Variants in FRMD1 observed in about 807,000 individuals in gnomAD.
FRMD1 encodes FERM domain-containing protein 1.
FRMD1 carries 51 observed loss-of-function variants against 54.9 expected under a neutral mutation model. The observed-to-expected ratio is 0.93, with a 90% CI of 0.74 to 1.17. FRMD1 has a LOEUF of 1.17. Among genes scored for constraint, FRMD1 ranks in the 50% most tolerant of loss-of-function variants. The probability of loss-of-function intolerance (pLI) is 0.00; values close to 1 mark genes in which losing one functional copy is unlikely to be tolerated. For synonymous variants in FRMD1, 324 were observed against 306.4 expected, an observed-to-expected ratio of 1.06 and a Z score of -0.60; for missense variants, 729 against 743.0, an observed-to-expected ratio of 0.98 and a Z score of 0.22.
At chr6:168,088,879 C>T (rs993933577) in intron 1 of FRMD1, among the ~76,000 whole-genome samples, 4 of 151,706 alleles carry the variant, frequency 2.6e-5, no homozygotes, top group Admixed American at 1.3e-4. Flanking sequence ...TCAACCTCCC[C>T]ACTCCTTGTG....
chr6:168,092,019 C>G (rs952103180), intron 1 of FRMD1, among the ~76,000 whole-genome samples: 13 of 152,230 alleles, frequency 8.5e-5, no homozygotes, highest in Admixed American at 3.3e-4. Flanking sequence ...AGGCTCTGTC[C>G]GGCCTCCACA....
rs1366869399 is a variant in FRMD1 at position 168,061,957 on chromosome 6, C to T, written c.895G>A (p.Asp299Asn). 6.3e-7 allele frequency: 1 copy of T among 1,597,586 alleles called. No individual in the cohort carries two copies. The highest frequency in any genetic ancestry group is 1.3e-5 in the African/African-American group (1 of 74,452). The change falls in exon 8 of 11, where the codon GAT (aspartate) becomes AAT (asparagine). Residue 299 changes from aspartate (D) to asparagine (N), a missense_variant. Coordinates refer to ENST00000283309, the MANE Select transcript of FRMD1 (RefSeq NM_024919.6). ...YQGKKLEIQL[D>N]GLPAAQKLVY... ...AGCTTCTGTGCTGCGGGCAGCCCATCCAGCTGGATCTCCAGCTTCTTTCCC... is the reference window on the plus strand; with the variant it reads ...AGCTTCTGTGCTGCGGGCAGCCCATTCAGCTGGATCTCCAGCTTCTTTCCC...
At chr6:168,087,012 C>T (rs1403712213) in intron 1 of FRMD1, among the ~76,000 whole-genome samples, 4 of 151,968 alleles carry the variant, frequency 2.6e-5, no homozygotes, top group Non-Finnish European at 5.9e-5. Flanking sequence ...CCACTCACCT[C>T]TCCCCGCTCA....
rs114926648 is a variant in FRMD1, at chr6:168,056,878, G to A, written c.*219C>T. On this transcript the variant is annotated 3_prime_UTR_variant, in exon 11 of 11. Coordinates refer to ENST00000283309, the MANE Select transcript of FRMD1 (RefSeq NM_024919.6). ...GAGACCCTGAGGGAAAGAGCTCCCG[G>A]GTGTATGGCAGACAGGCATGAGGTG... 863 of 441,776 alleles carry A rather than the reference G, an allele frequency of 2.0e-3. 11 individuals are homozygous for A. Among genetic ancestry groups the A allele is most frequent in the African/African-American group, 0.016 (761 of 49,076 alleles). 27.4% of individuals were successfully genotyped at this position (441,776 alleles called of 1,614,324 possible). A position where few individuals can be genotyped will look rare whatever the true frequency, so the allele number is the denominator to read the frequency against.
intron 1 of FRMD1, among the ~76,000 whole-genome samples, chr6:168,089,117 G>A (rs993985823): frequency 6.6e-6 from 1 of 152,246 alleles, no homozygotes. Context: ...CCTGCCTGGG[G>A]GGCTGCACTG....
At chr6:168,091,295 C>G (rs995165715) in intron 1 of FRMD1, among the ~76,000 whole-genome samples, 1 of 152,224 alleles carries the variant, frequency 6.6e-6, no homozygotes, top group Non-Finnish European at 1.5e-5. Flanking sequence ...GATGCCCCTT[C>G]TCTGAATCCT....
At chr6:168,072,075 G>A (rs748935577) in intron 2 of FRMD1, among the ~76,000 whole-genome samples, 6 of 152,250 alleles carry the variant, frequency 3.9e-5, no homozygotes, top group African/African-American at 1.4e-4. Flanking sequence ...CCAAGCCGGG[G>A]CTGCCGACTT....
Position 168,079,013 on chromosome 6 carries a change from T to C in FRMD1, c.82A>G (p.Met28Val). The change falls in exon 1 of 11, where the codon ATG becomes GTG. Residue 28 changes from methionine to valine, a missense_variant. Transcript: ENST00000283309. ...GCAGGCCTCTCAGGACTGGGTTCCA[T>C]ACATCGCGCCCCTGAAGGAGGGAAC... Reference protein sequence around the residue: ...DTFPPSGARCMEPSPERPACS... With the variant: ...DTFPPSGARCVEPSPERPACS... 6.2e-7 allele frequency: 1 copy of C among 1,612,254 alleles called. No homozygotes were observed. Among genetic ancestry groups the C allele is most frequent in the African/African-American group, 1.3e-5 (1 of 74,988 alleles).
chr6:168,054,940 C>G lies in FRMD1; in HGVS notation c.*2157G>C, dbSNP rs1052020561. On this transcript the variant is annotated 3_prime_UTR_variant, in exon 11 of 11. Coordinates refer to ENST00000283309, the MANE Select transcript of FRMD1 (RefSeq NM_024919.6). ...CTTCATGTGGCCTGCCTGGCCGTCC[C>G]CTCTTGGGCAAGTCTCAGGGCAGCG... 3 of 152,402 alleles carry G rather than the reference C, an allele frequency of 2.0e-5. No homozygotes were observed. Among genetic ancestry groups the G allele is most frequent in the Admixed American group, 1.3e-4 (2 of 15,292 alleles). The allele number at this position is 152,402 out of a possible 1,614,324, so 9.4% of individuals were successfully genotyped here.
chr6:168,062,868 T>G, intron 7 of FRMD1, 26 bp downstream of exon 7: 8 of 1,606,700 alleles, frequency 5.0e-6, no homozygotes, highest in Non-Finnish European at 6.8e-6. Flanking sequence ...CGAGGGGCTC[T>G]GTGAGGCTGG....
chr6:168,078,736 C>CCACAGCCAGCCG, intron 1 of FRMD1, 146 bp downstream of exon 1: 2 of 1,279,228 alleles, frequency 1.6e-6, no homozygotes, highest in Non-Finnish European at 2.1e-6. Flanking sequence ...CTCCTCACCC[C>CCACAGCCAGCCG]CATGGCTCTG....
In FRMD1 at chr6:168,057,076, G is replaced by A. The variant is rs759677465; in HGVS notation, c.*21C>T. The A allele has an allele frequency of 6.1e-5, 90 of 1,464,084 alleles. No individual in the cohort carries two copies. Among genetic ancestry groups the A allele is most frequent in the South Asian group, 2.9e-4 (20 of 69,258 alleles). The allele number at this position is 1,464,084 out of a possible 1,614,324, so 90.7% of individuals were successfully genotyped here. A position where few individuals can be genotyped will look rare whatever the true frequency, so the allele number is the denominator to read the frequency against. On this transcript the variant is annotated 3_prime_UTR_variant, in exon 11 of 11. Transcript: ENST00000283309. ...GGGGCTGAGCCTGGCGGTGCGGACGGTACTGCTGGGTGGGTGGTGCCTACA... is the reference window on the plus strand; with the variant it reads ...GGGGCTGAGCCTGGCGGTGCGGACGATACTGCTGGGTGGGTGGTGCCTACA...
intron 2 of FRMD1, 50 bp from the exon 3 acceptor site, chr6:168,067,496 G>C: frequency 8.6e-7 from 1 of 1,158,122 alleles, no homozygotes; most frequent in East Asian, 2.4e-5. Context: ...TGCTTCTCAG[G>C]TGTCACCGTG....
chr6:168,062,835 G>T (rs962877103), intron 7 of FRMD1, 59 bp downstream of exon 7: 3 of 1,603,502 alleles, frequency 1.9e-6, no homozygotes, highest in Non-Finnish European at 2.6e-6. Flanking sequence ...CAGTGGGGAA[G>T]GGAGGAGGGG....
rs754766422 is a variant in FRMD1 at position 168,057,257 on chromosome 6, T to C, written c.1490A>G (p.His497Arg). 1.2e-6 allele frequency: 2 copies of C among 1,610,974 alleles called. No homozygotes were observed. Among genetic ancestry groups the C allele is most frequent in the East Asian group, 4.5e-5 (2 of 44,782 alleles). ...ATGGCTGAGTGAGGTGGGCGCTGGG[T>C]GCAGGGCCAGCTGGTGCAGCTGCAT... is the stretch of plus-strand genomic sequence containing the variant. ...DDMQLHQLAL[H>R]PAPTSLSHTF... The change falls in exon 11 of 11, where the codon CAC becomes CGC. Residue 497 changes from histidine (H) to arginine (R), a missense_variant. Coordinates refer to ENST00000283309, the MANE Select transcript of FRMD1 (RefSeq NM_024919.6).
rs761256325 is a variant in FRMD1 at position 168,062,523 on chromosome 6, G to T, written c.870+371C>A. ...AGGGCCAGGGCCAGGCACAAAGCCC[G>T]TGAGGCCAGGACGGCCCTGATGCCC... On this transcript the variant is annotated intron_variant, in intron 7 of 10. Transcript: ENST00000283309. 4 of 792,784 alleles carry T rather than the reference G, an allele frequency of 5.0e-6. No individual in the cohort carries two copies. The African/African-American group carries it at 5.3e-5, about 10-fold the overall frequency. 49.1% of individuals were successfully genotyped at this position (792,784 alleles called of 1,614,324 possible).
chr6:168,074,825 T>C (rs1447801550), intron 2 of FRMD1, among the ~76,000 whole-genome samples: 1 of 150,658 alleles, frequency 6.6e-6, no homozygotes, highest in Non-Finnish European at 1.5e-5. Context: ...TGTGTACGTG[T>C]GAGTGGTGTG....
chr6:168,070,564 T>C (rs967511669), intron 2 of FRMD1, among the ~76,000 whole-genome samples: 4 of 152,152 alleles, frequency 2.6e-5, no homozygotes, highest in Admixed American at 1.3e-4. Flanking sequence ...ATGGCAACAG[T>C]GGCTCTCCCT....
Position 168,066,685 on chromosome 6 carries a change from G to A in FRMD1, c.461+70C>T, listed in dbSNP as rs994323640. On this transcript the variant is annotated intron_variant, in intron 4 of 10. Coordinates refer to ENST00000283309, the MANE Select transcript of FRMD1 (RefSeq NM_024919.6). ...CTCAAATGTAATGTGTGGCCTTCAG[G>A]GGACTTCCACGTCATGCGGCAGATT... is the stretch of plus-strand genomic sequence containing the variant. The A allele has an allele frequency of 1.4e-5, 21 of 1,529,800 alleles. No homozygotes were observed. The East Asian group carries it at 1.4e-4, about 10-fold the overall frequency. The allele number at this position is 1,529,800 out of a possible 1,614,324, so 94.8% of individuals were successfully genotyped here. A position where few individuals can be genotyped will look rare whatever the true frequency, so the allele number is the denominator to read the frequency against.
Sources: allele counts gnomAD v4.1 joint callset (sites outside exome capture counted in the v4.1 genomes callset), GRCh38; gene constraint gnomAD v4.1.1; transcripts MANE v1.5; gene names NCBI Gene and HGNC (gene_info 2026-07-23, HGNC 2026-07-21).